The following SRGAP3 variants were observed in gnomAD, a reference collection of about 807,000 sequenced individuals.
The protein encoded by SRGAP3 is SLIT-ROBO Rho GTPase activating protein 3.
In SRGAP3, 39 loss-of-function variants were observed where a neutral mutation model predicts 121.1. The ratio of observed to expected loss-of-function variants is 0.32; its 90% CI spans 0.25 to 0.42. The LOEUF (loss-of-function observed/expected upper bound fraction) is 0.42, where lower values mean the gene tolerates loss of function less well. Ranked by LOEUF, SRGAP3 falls within the 10% of genes least tolerant of loss-of-function variation. The pLI is 1.00. For missense variants in SRGAP3, 1,213 were observed against 1,470.6 expected (o/e 0.82, Z 2.86); for synonymous variants, 601 against 570.0 (o/e 1.05, Z -0.77).
chr3:9,025,390 T>C (rs1559941506), intron 13 of SRGAP3, 52 bp from the exon 14 acceptor site: 2 of 1,563,536 alleles, frequency 1.3e-6, no homozygotes, highest in Admixed American at 1.7e-5. Context: ...AGACCTTGAG[T>C]TCATTAGACT....
At chr3:9,333,574 C>T (rs538789383) in intron 1 of SRGAP3, among the ~76,000 whole-genome samples, 4 of 152,260 alleles carry the variant, frequency 2.6e-5, no homozygotes, top group South Asian at 4.2e-4. Context: ...TGCATTTCTC[C>T]GGTGGTGGCA....
intron 4 of SRGAP3, among the ~76,000 whole-genome samples, chr3:9,069,336 G>C (rs1946573697): frequency 6.6e-6 from 1 of 152,194 alleles, no homozygotes; most frequent in Non-Finnish European, 1.5e-5. Context: ...AAATTATCAA[G>C]TGACCAACTG....
Position 9,087,229 on chromosome 3 carries a change from T to G in SRGAP3, c.424-7142A>C, listed in dbSNP as rs533633228. ...AAGTGAGATGATGTCATGGGTCTCA[T>G]GGAGTCCCTGTGAGCATGAAAAGAG... On this transcript the variant is annotated intron_variant, in intron 3 of 21. Transcript: ENST00000383836. Among the ~76,000 whole-genome samples the G allele has an allele frequency of 6.6e-5, 10 of 152,230 alleles. No homozygotes were observed. The South Asian group carries it at 8.3e-4, about 13-fold the overall frequency.
At chr3:9,092,916 A>C (rs1947814515) in intron 3 of SRGAP3, among the ~76,000 whole-genome samples, 1 of 152,146 alleles carries the variant, frequency 6.6e-6, no homozygotes. Context: ...ACTCAGGAGT[A>C]ATCTTTCTTG....
At chr3:9,301,138 G>T (rs1193169503) in intron 3 of SRGAP3, among the ~76,000 whole-genome samples, 2 of 152,180 alleles carry the variant, frequency 1.3e-5, no homozygotes, top group Non-Finnish European at 1.5e-5. Context: ...ACTTCCTACA[G>T]CCTCTTCCGG....
At chr3:8,999,874 T>A (rs1314176983) in intron 18 of SRGAP3, among the ~76,000 whole-genome samples, 1 of 151,680 alleles carries the variant, frequency 6.6e-6, no homozygotes, top group Non-Finnish European at 1.5e-5. Context: ...AGAAAAAATA[T>A]AAAAAGAAAA....
intron 3 of SRGAP3, among the ~76,000 whole-genome samples, chr3:9,085,909 T>C (rs1311725168): frequency 2.0e-5 from 3 of 152,182 alleles, no homozygotes; most frequent in South Asian, 4.1e-4. Context: ...CAAACTCCCA[T>C]GACACACGTT....
chr3:9,056,520 G>C (rs961794604), intron 7 of SRGAP3, among the ~76,000 whole-genome samples, 186 bp from the exon 8 acceptor site: 1 of 152,178 alleles, frequency 6.6e-6, no homozygotes, highest in Non-Finnish European at 1.5e-5. Context: ...GATGAGAACC[G>C]GGGTCTTCCT....
intron 1 of SRGAP3, among the ~76,000 whole-genome samples, chr3:9,232,497 AGGG>A (rs1953250585): frequency 6.6e-6 from 1 of 152,166 alleles, no homozygotes; most frequent in Non-Finnish European, 1.5e-5. Context: ...ATAAGGACAT[AGGG>A]TTTTTATTTT....
intron 1 of SRGAP3, among the ~76,000 whole-genome samples, chr3:9,164,441 A>C (rs1950712319): frequency 6.6e-6 from 1 of 151,854 alleles, no homozygotes; most frequent in African/African-American, 2.4e-5. Context: ...AGGCATGTAC[A>C]ACCATGTCCC....
chr3:9,050,204 G>C (rs892447709), intron 9 of SRGAP3, among the ~76,000 whole-genome samples: 1 of 152,190 alleles, frequency 6.6e-6, no homozygotes, highest in African/African-American at 2.4e-5. Flanking sequence ...GGTAACTACT[G>C]TCCTAGAGGC....
chr3:9,211,139 G>A (rs747462285), intron 1 of SRGAP3, among the ~76,000 whole-genome samples: 1 of 152,090 alleles, frequency 6.6e-6, no homozygotes, highest in Non-Finnish European at 1.5e-5. Context: ...AGGTGTTGAG[G>A]GGGGAGAAGT....
intron 10 of SRGAP3, 145 bp downstream of exon 10, chr3:9,047,246 C>A: frequency 1.2e-6 from 1 of 813,248 alleles, no homozygotes. Flanking sequence ...GTGATTTTCC[C>A]AGCCTGCCCA....
At chr3:9,081,839 C>A (rs1947260134) in intron 3 of SRGAP3, among the ~76,000 whole-genome samples, 1 of 152,138 alleles carries the variant, frequency 6.6e-6, no homozygotes. Context: ...ATATTCTCTG[C>A]TATAATCTGA....
chr3:9,031,860 C>T (rs1265531578), intron 12 of SRGAP3, among the ~76,000 whole-genome samples: 3 of 152,166 alleles, frequency 2.0e-5, no homozygotes, highest in African/African-American at 4.8e-5. Flanking sequence ...TTCCCTGCTT[C>T]CTCTAAGTAA....
intron 3 of SRGAP3, among the ~76,000 whole-genome samples, chr3:9,300,040 A>G (rs937543186): frequency 1.3e-5 from 2 of 150,978 alleles, no homozygotes; most frequent in Non-Finnish European, 2.9e-5. Context: ...TGAGGTAATG[A>G]TAGCACCTTC....
At chr3:8,989,952 C>T (rs900466940) in intron 21 of SRGAP3, among the ~76,000 whole-genome samples, 3 of 152,206 alleles carry the variant, frequency 2.0e-5, no homozygotes, top group African/African-American at 7.2e-5. Context: ...TCTCAAAATA[C>T]TTTGGACCAT....
chr3:9,075,320 ATG>A (rs1408544407), intron 4 of SRGAP3, among the ~76,000 whole-genome samples: 1 of 152,202 alleles, frequency 6.6e-6, no homozygotes, highest in Non-Finnish European at 1.5e-5. Context: ...AAGCACGTGA[ATG>A]TGCATATGTG....
At chr3:9,346,753 CTTTTT>C (rs142138773) in intron 1 of SRGAP3, among the ~76,000 whole-genome samples, 10 of 130,518 alleles carry the variant, frequency 7.7e-5, no homozygotes, top group South Asian at 2.5e-4. Flanking sequence ...GCAATTTTTT[CTTTTT>C]TTTTTTTTTT....
Sources: gnomAD v4.1 joint callset for allele counts (sites outside exome capture counted in the v4.1 genomes callset) on GRCh38, gnomAD v4.1.1 for gene constraint, MANE v1.5 for transcripts, NCBI Gene and HGNC (gene_info 2026-07-23, HGNC 2026-07-21) for gene names.